FSIP1: variants seen among roughly 807,000 people sequenced by gnomAD.
FSIP1 encodes fibrous sheath interacting protein 1.
Under a neutral mutation model 60.9 loss-of-function variants are expected in FSIP1, and 65 were observed. The ratio of observed to expected loss-of-function variants is 1.07; its 90% CI spans 0.87 to 1.31. FSIP1 has a LOEUF of 1.31. Ranked by LOEUF, FSIP1 falls within the 40% of genes most tolerant of loss-of-function variation. The pLI, the probability that FSIP1 is intolerant of heterozygous loss-of-function variation, is 0.00. For synonymous variants in FSIP1, 209 were observed against 221.2 expected (o/e 0.94, Z 0.49); for missense variants, 675 against 665.5 (o/e 1.01, Z -0.16).
At chr15:39,626,349 A>C (rs551756772) in intron 10 of FSIP1, among the ~76,000 whole-genome samples, 1 of 152,160 alleles carries the variant, frequency 6.6e-6, no homozygotes, top group Non-Finnish European at 1.5e-5. Flanking sequence ...GGATCTTCCC[A>C]AACAGGGGTT....
chr15:39,689,987 A>T (rs2631709), intron 10 of FSIP1, among the ~76,000 whole-genome samples: 1 of 152,178 alleles, frequency 6.6e-6, no homozygotes, highest in South Asian at 2.1e-4. Context: ...GTTGGGATTC[A>T]GATGATATGG....
chr15:39,740,969 A>AT (rs2080383034), intron 6 of FSIP1, among the ~76,000 whole-genome samples: 2 of 152,198 alleles, frequency 1.3e-5, no homozygotes, highest in Middle Eastern at 6.8e-3. Context: ...CTGGGGTTTT[A>AT]TTTTTTAACA....
chr15:39,731,541 C>T (rs116111748), intron 8 of FSIP1, among the ~76,000 whole-genome samples: 2,176 of 152,164 alleles, frequency 0.014, 52 homozygotes, highest in African/African-American at 0.047. Flanking sequence ...GTATGTCAGA[C>T]GAAATTCACC....
intron 10 of FSIP1, among the ~76,000 whole-genome samples, chr15:39,665,533 A>G (rs1352166478): frequency 6.6e-6 from 1 of 152,214 alleles, no homozygotes; most frequent in Non-Finnish European, 1.5e-5. Flanking sequence ...AAGATAGTCT[A>G]AGTTTGTAAT....
intron 10 of FSIP1, among the ~76,000 whole-genome samples, chr15:39,650,725 T>C (rs1396010251): frequency 6.6e-6 from 1 of 152,240 alleles, no homozygotes; most frequent in African/African-American, 2.4e-5. Flanking sequence ...CATCTCAGCG[T>C]TGTGATTCTT....
intron 10 of FSIP1, among the ~76,000 whole-genome samples, chr15:39,712,687 C>T (rs1482098224): frequency 6.6e-6 from 1 of 152,142 alleles, no homozygotes; most frequent in Admixed American, 6.5e-5. Flanking sequence ...CAGCTGAAAA[C>T]ATTCTATGGG....
Position 39,738,137 on chromosome 15 carries a change from A to G in FSIP1, c.845T>C (p.Leu282Pro). Reference protein sequence around the residue: ...VDREKKRLVELLKDLDEKDSG... With the variant: ...VDREKKRLVEPLKDLDEKDSG... ...ATCTTTCTCATCCAAGTCCTTCAAA[A>G]GCTCAACCAGCCTTTTCTTCTCTCT... The change falls in exon 8 of 12, where the codon CTT (leucine) becomes CCT (proline). Residue 282 changes from leucine to proline, a missense_variant. By Grantham distance (98) the Leu-to-Pro change is moderately conservative (BLOSUM62 -3). Coordinates refer to ENST00000350221, the MANE Select transcript of FSIP1 (RefSeq NM_152597.5). The G allele has an allele frequency of 1.2e-6, 2 of 1,613,510 alleles. No homozygotes were observed. The highest frequency in any genetic ancestry group is 1.7e-6 in the Non-Finnish European group (2 of 1,179,776).
chr15:39,767,697 G>A (rs901844067), intron 3 of FSIP1, among the ~76,000 whole-genome samples: 5 of 152,138 alleles, frequency 3.3e-5, no homozygotes, highest in Admixed American at 6.5e-5. Context: ...CAGTGACTAC[G>A]GAACGATGCA....
chr15:39,610,818 A>C (rs964166042), intron 11 of FSIP1, among the ~76,000 whole-genome samples: 1 of 152,236 alleles, frequency 6.6e-6, no homozygotes, highest in African/African-American at 2.4e-5. Flanking sequence ...GGGTGGGATA[A>C]TATAATCAAA....
intron 11 of FSIP1, among the ~76,000 whole-genome samples, chr15:39,616,487 A>G (rs918815439): frequency 3.9e-5 from 6 of 152,218 alleles, no homozygotes; most frequent in African/African-American, 1.4e-4. Flanking sequence ...GAAGGCTACA[A>G]TCAGAGAGGA....
intron 10 of FSIP1, among the ~76,000 whole-genome samples, chr15:39,649,385 C>T (rs1406219794): frequency 6.6e-6 from 1 of 152,146 alleles, no homozygotes; most frequent in Non-Finnish European, 1.5e-5. Context: ...AGTAGAAATG[C>T]TTCAAGTTTT....
intron 5 of FSIP1, among the ~76,000 whole-genome samples, chr15:39,758,559 T>C (rs1566916120): frequency 1.3e-5 from 2 of 152,108 alleles, no homozygotes; most frequent in Non-Finnish European, 2.9e-5. Context: ...GGTATAGAAT[T>C]ACTGATAAAC....
chr15:39,730,833 G>A (rs7173020), intron 8 of FSIP1, among the ~76,000 whole-genome samples: 7,611 of 152,248 alleles, frequency 0.05, 587 homozygotes, highest in Admixed American at 0.2. Flanking sequence ...GAAAGCAAAC[G>A]TCTGGTGGCT....
intron 1 of FSIP1, among the ~76,000 whole-genome samples, chr15:39,781,496 C>A (rs1211199623): frequency 8.6e-5 from 13 of 150,838 alleles, no homozygotes; most frequent in South Asian, 2.1e-4. Flanking sequence ...TTCACACACA[C>A]AAAAAAAAAC....
intron 9 of FSIP1, among the ~76,000 whole-genome samples, chr15:39,717,799 T>C (rs1242694491): frequency 6.6e-6 from 1 of 152,186 alleles, no homozygotes; most frequent in East Asian, 1.9e-4. Context: ...AAAATACAGC[T>C]TCTCCATCAG....
At chr15:39,755,092 T>C (rs1235194385) in intron 5 of FSIP1, among the ~76,000 whole-genome samples, 1 of 151,974 alleles carries the variant, frequency 6.6e-6, no homozygotes, top group Non-Finnish European at 1.5e-5. Flanking sequence ...GAAAAAGGCT[T>C]ATTTGTATGT....
chr15:39,737,935 T>C (rs529469969), intron 8 of FSIP1, among the ~76,000 whole-genome samples, 156 bp downstream of exon 8: 4 of 152,288 alleles, frequency 2.6e-5, no homozygotes, highest in South Asian at 2.1e-4. Flanking sequence ...TATTTTGTTA[T>C]CTGTTCCTGT....
At position 39,704,173 on chromosome 15, in the gene FSIP1, A is replaced by T. The variant is rs369251798; in HGVS notation, c.1188+9271T>A. Among the ~76,000 whole-genome samples the T allele has an allele frequency of 3.3e-5, 5 of 152,384 alleles. 1 individual carries two copies. Among genetic ancestry groups the T allele is most frequent in the Admixed American group, 6.5e-5 (1 of 15,302 alleles). ...ACCTGCCACCACCTACAGAAAGAAC[A>T]AAAGTTGTATACTCTAAATACCAAT... On this transcript the variant is annotated intron_variant, in intron 10 of 11. Coordinates refer to ENST00000350221, the MANE Select transcript of FSIP1 (RefSeq NM_152597.5).
chr15:39,639,670 T>C (rs1446003823), intron 10 of FSIP1, among the ~76,000 whole-genome samples: 1 of 152,158 alleles, frequency 6.6e-6, no homozygotes, highest in Non-Finnish European at 1.5e-5. Context: ...TACAGCAGTA[T>C]ATGGAGAGCA....
Sources: gnomAD v4.1 joint callset for allele counts (sites outside exome capture counted in the v4.1 genomes callset) on GRCh38, gnomAD v4.1.1 for gene constraint, MANE v1.5 for transcripts, NCBI Gene and HGNC (gene_info 2026-07-23, HGNC 2026-07-21) for gene names.